Variants in SULF2 observed in about 807,000 individuals in gnomAD.
SULF2 encodes sulfatase 2, also known as extracellular sulfatase Sulf-2.
In SULF2, 52 loss-of-function variants were observed where a neutral mutation model predicts 107.7. The ratio of observed to expected loss-of-function variants is 0.48; its 90% confidence interval spans 0.39 to 0.61. The LOEUF is 0.61. Among genes scored for constraint, SULF2 ranks in the 20% least tolerant of loss-of-function variants. The pLI is 0.00. For missense variants in SULF2, 993 were observed against 1,177.3 expected (o/e 0.84, Z 2.29); for synonymous variants, 460 against 464.3 (o/e 0.99, Z 0.12).
intron 4 of SULF2, among the ~76,000 whole-genome samples, chr20:47,696,841 AG>A (rs1208000341): frequency 6.6e-6 from 1 of 152,150 alleles, no homozygotes; most frequent in Non-Finnish European, 1.5e-5. Flanking sequence ...TCCTTTGCCG[AG>A]GATCTTCCAG....
chr20:47,742,167 C>T (rs192722281), intron 2 of SULF2, among the ~76,000 whole-genome samples: 21 of 152,328 alleles, frequency 1.4e-4, no homozygotes, highest in Middle Eastern at 3.4e-3. Context: ...GCCATAGCGA[C>T]GAGGCTGTGT....
At position 47,658,174 on chromosome 20, in the gene SULF2, TC is replaced by T; in HGVS notation, c.*187del. 1.6e-6 allele frequency: 1 copy of T among 641,856 alleles called. No homozygotes were observed. Among genetic ancestry groups the T allele is most frequent in the Non-Finnish European group, 2.8e-6 (1 of 357,060 alleles). 39.8% of individuals were successfully genotyped at this position (641,856 alleles called of 1,614,324 possible). A position where few individuals can be genotyped will look rare whatever the true frequency, so the allele number is the denominator to read the frequency against. On this transcript the variant is annotated 3_prime_UTR_variant, in exon 21 of 21. Transcript: ENST00000688720. ...GCAAAAGCAGGGGCAAAAATGGACTTCCTGAAGTTATCTCTGCTCCTGCTGG... is the reference window on the plus strand; with the variant it reads ...GCAAAAGCAGGGGCAAAAATGGACTTCTGAAGTTATCTCTGCTCCTGCTGG...
chr20:47,700,827 G>A (rs942013968), intron 4 of SULF2, among the ~76,000 whole-genome samples: 1 of 152,114 alleles, frequency 6.6e-6, no homozygotes, highest in Non-Finnish European at 1.5e-5. Context: ...TGTATTCTTA[G>A]TGGAGACGGG....
chr20:47,662,426 C>G (rs2087107327), intron 17 of SULF2, among the ~76,000 whole-genome samples: 1 of 152,226 alleles, frequency 6.6e-6, no homozygotes, highest in South Asian at 2.1e-4. Context: ...ATTTGTGCTG[C>G]TGACATTTAA....
At chr20:47,733,081 T>C (rs888888504) in intron 3 of SULF2, among the ~76,000 whole-genome samples, 1 of 152,192 alleles carries the variant, frequency 6.6e-6, no homozygotes, top group African/African-American at 2.4e-5. Flanking sequence ...AAATTGCAAA[T>C]ATTTTAAAAG....
intron 2 of SULF2, among the ~76,000 whole-genome samples, chr20:47,748,440 A>G (rs1184682707): frequency 6.6e-6 from 1 of 152,206 alleles, no homozygotes; most frequent in African/African-American, 2.4e-5. Context: ...TGAGACCCTC[A>G]GTTGCCCACA....
intron 13 of SULF2, among the ~76,000 whole-genome samples, chr20:47,665,516 G>A (rs2087233449): frequency 6.6e-6 from 1 of 152,262 alleles, no homozygotes; most frequent in Non-Finnish European, 1.5e-5. Flanking sequence ...AGGGAACCGA[G>A]TCATTTTTCC....
At chr20:47,700,168 C>G (rs1426592188) in intron 4 of SULF2, among the ~76,000 whole-genome samples, 1 of 152,202 alleles carries the variant, frequency 6.6e-6, no homozygotes, top group African/African-American at 2.4e-5. Flanking sequence ...TGAAACATCA[C>G]TGTCAGCCTC....
At chr20:47,751,417 C>T (rs185219125) in intron 2 of SULF2, among the ~76,000 whole-genome samples, 1 of 152,360 alleles carries the variant, frequency 6.6e-6, no homozygotes, top group East Asian at 1.9e-4. Context: ...TCCCCTGAAT[C>T]TGGTTGACCA....
chr20:47,738,677 G>C (rs912244759), intron 2 of SULF2, among the ~76,000 whole-genome samples: 1 of 152,132 alleles, frequency 6.6e-6, no homozygotes, highest in African/African-American at 2.4e-5. Context: ...CCTCTTGCTT[G>C]GTTCTCATTC....
intron 4 of SULF2, among the ~76,000 whole-genome samples, chr20:47,696,340 T>C (rs1329634612): frequency 1.3e-5 from 2 of 152,174 alleles, no homozygotes; most frequent in Non-Finnish European, 2.9e-5. Flanking sequence ...TACATTTTCT[T>C]TGTGAAAATT....
chr20:47,736,663 C>G (rs1222120536), intron 3 of SULF2, 40 bp downstream of exon 3: 1 of 1,611,740 alleles, frequency 6.2e-7, no homozygotes, highest in East Asian at 2.2e-5. Flanking sequence ...CCCGCCCTGG[C>G]TGTCACTCCC....
chr20:47,713,372 T>C (rs2088997647), intron 3 of SULF2, among the ~76,000 whole-genome samples: 1 of 152,160 alleles, frequency 6.6e-6, no homozygotes, highest in South Asian at 2.1e-4. Context: ...AGCCCCAAAG[T>C]GTCACCAGTG....
chr20:47,699,372 G>T (rs1442733099), intron 4 of SULF2, among the ~76,000 whole-genome samples: 2 of 151,754 alleles, frequency 1.3e-5, no homozygotes, highest in Non-Finnish European at 2.9e-5. Flanking sequence ...TGATTGTTGT[G>T]AATATCAGAA....
chr20:47,698,801 G>A (rs1390081210), intron 4 of SULF2, among the ~76,000 whole-genome samples: 1 of 152,136 alleles, frequency 6.6e-6, no homozygotes, highest in African/African-American at 2.4e-5. Flanking sequence ...GGAGGCTGAG[G>A]TGGGTGGATC....
intron 1 of SULF2, among the ~76,000 whole-genome samples, chr20:47,783,468 A>G (rs1401758074): frequency 1.3e-5 from 2 of 152,226 alleles, no homozygotes; most frequent in Non-Finnish European, 2.9e-5. Flanking sequence ...CTGCATATCA[A>G]CTGGGTTCTT....
intron 1 of SULF2, among the ~76,000 whole-genome samples, chr20:47,778,766 G>A (rs1254013296): frequency 6.6e-6 from 1 of 152,198 alleles, no homozygotes; most frequent in Non-Finnish European, 1.5e-5. Context: ...TCTTGGAAAT[G>A]TCAGAGAGGT....
chr20:47,661,724 C>T (rs753689201), intron 18 of SULF2, 49 bp downstream of exon 18: 1 of 1,444,658 alleles, frequency 6.9e-7, no homozygotes, highest in Non-Finnish European at 9.2e-7. Context: ...GAGTCCCTTC[C>T]TTTGGTTACC....
chr20:47,716,305 G>C (rs981164148), intron 3 of SULF2, among the ~76,000 whole-genome samples: 2 of 152,170 alleles, frequency 1.3e-5, no homozygotes, highest in African/African-American at 4.8e-5. Context: ...AGGAGTTCAG[G>C]ACCAGCCTGG....
Sources: gnomAD v4.1 joint callset for allele counts (sites outside exome capture counted in the v4.1 genomes callset) on GRCh38, gnomAD v4.1.1 for gene constraint, MANE v1.5 for transcripts, NCBI Gene and HGNC (gene_info 2026-07-23, HGNC 2026-07-21) for gene names.